CYP7B1: variants seen among roughly 807,000 people sequenced by gnomAD.
The protein encoded by CYP7B1 is cytochrome P450 7B1.
A neutral mutation model predicts 42.7 loss-of-function variants in CYP7B1; 29 were observed. The observed-to-expected ratio is 0.68, with a 90% CI of 0.51 to 0.93. The LOEUF is 0.93. CYP7B1 is among the 40% of genes least tolerant of loss of function. The pLI, the probability that CYP7B1 is intolerant of heterozygous loss-of-function variation, is 0.00. For missense variants in CYP7B1, 655 were observed against 600.5 expected, an observed-to-expected ratio of 1.09 and a Z score of -0.95; for synonymous variants, 235 against 218.2, an observed-to-expected ratio of 1.08 and a Z score of -0.68.
intron 1 of CYP7B1, among the ~76,000 whole-genome samples, chr8:64,730,689 T>C (rs1422888188): frequency 1.3e-5 from 2 of 151,870 alleles, no homozygotes; most frequent in African/African-American, 2.4e-5. Flanking sequence ...ACTGGTATTA[T>C]ATAACTAAAC....
chr8:64,747,812 C>A (rs1308250475), intron 1 of CYP7B1, among the ~76,000 whole-genome samples: 1 of 152,090 alleles, frequency 6.6e-6, no homozygotes, highest in African/African-American at 2.4e-5. Flanking sequence ...TAACCCAGCA[C>A]CTGGCTATTC....
intron 1 of CYP7B1, among the ~76,000 whole-genome samples, chr8:64,778,204 T>A: frequency 6.8e-6 from 1 of 146,952 alleles, no homozygotes. Context: ...TATATATGTA[T>A]ACACACATAT....
intron 1 of CYP7B1, 69 bp downstream of exon 1, chr8:64,798,397 C>G (rs1437196268): frequency 4.2e-6 from 6 of 1,434,230 alleles, no homozygotes; most frequent in South Asian, 1.5e-5. Flanking sequence ...GGACTCCCCT[C>G]GCCATCTGGG....
At chr8:64,787,100 G>A (rs1388349056) in intron 1 of CYP7B1, among the ~76,000 whole-genome samples, 1 of 152,206 alleles carries the variant, frequency 6.6e-6, no homozygotes, top group African/African-American at 2.4e-5. Context: ...TCCCTCCTAG[G>A]CCTCTGGGCC....
chr8:64,645,202 A>G (rs1341111461), intron 1 of CYP7B1, among the ~76,000 whole-genome samples: 7 of 150,498 alleles, frequency 4.7e-5, no homozygotes, highest in Non-Finnish European at 8.9e-5. Context: ...GCTATTGTGA[A>G]TAGTGCCACA....
chr8:64,741,344 A>G (rs1309036992), intron 1 of CYP7B1, among the ~76,000 whole-genome samples: 1 of 151,630 alleles, frequency 6.6e-6, no homozygotes, highest in East Asian at 1.9e-4. Flanking sequence ...TTTTTGAGAC[A>G]GTTTTGCTCT....
intron 1 of CYP7B1, among the ~76,000 whole-genome samples, chr8:64,625,855 T>C (rs1244624014): frequency 6.6e-6 from 1 of 151,046 alleles, no homozygotes; most frequent in Non-Finnish European, 1.5e-5. Context: ...CTTTCTTTCT[T>C]TTTTTTTTAA....
chr8:64,735,394 C>T (rs1807472230), intron 1 of CYP7B1, among the ~76,000 whole-genome samples: 1 of 152,124 alleles, frequency 6.6e-6, no homozygotes, highest in Admixed American at 6.6e-5. Context: ...GGTGTCTCCA[C>T]TCTCTGTACC....
intron 1 of CYP7B1, among the ~76,000 whole-genome samples, chr8:64,790,360 C>T (rs1467596981): frequency 9.9e-5 from 15 of 152,236 alleles, no homozygotes; most frequent in East Asian, 7.7e-4. Flanking sequence ...AGGAATAAGG[C>T]AGCCAAAGGA....
intron 1 of CYP7B1, among the ~76,000 whole-genome samples, chr8:64,633,388 T>G (rs1398282404): frequency 1.3e-5 from 2 of 152,174 alleles, no homozygotes; most frequent in East Asian, 3.8e-4. Context: ...TTAGACCTAA[T>G]GAAGTACTAC....
downstream of CYP7B1, among the ~76,000 whole-genome samples, chr8:64,587,264 A>G (rs1804981175): frequency 6.6e-6 from 1 of 151,974 alleles, no homozygotes; most frequent in African/African-American, 2.4e-5. Flanking sequence ...CGGGATCCGC[A>G]TCCGGAGGGA....
chr8:64,626,737 GA>G (rs1805615708), intron 1 of CYP7B1, among the ~76,000 whole-genome samples: 2 of 152,124 alleles, frequency 1.3e-5, no homozygotes. Context: ...AACAAAAACA[GA>G]AAACAAAGCC....
intron 1 of CYP7B1, among the ~76,000 whole-genome samples, chr8:64,769,620 G>C (rs1363375711): frequency 1.3e-5 from 2 of 152,138 alleles, no homozygotes; most frequent in Non-Finnish European, 2.9e-5. Context: ...ATTAACGCTT[G>C]AATGTATTCC....
At chr8:64,617,659 T>C (rs1805467946) in intron 2 of CYP7B1, among the ~76,000 whole-genome samples, 1 of 152,108 alleles carries the variant, frequency 6.6e-6, no homozygotes, top group Non-Finnish European at 1.5e-5. Context: ...ATTGTCTTCA[T>C]GTCATTATTC....
intron 1 of CYP7B1, among the ~76,000 whole-genome samples, chr8:64,763,605 G>A (rs1193574251): frequency 1.3e-5 from 2 of 152,216 alleles, no homozygotes; most frequent in African/African-American, 4.8e-5. Flanking sequence ...ACGGCTGCCG[G>A]ACTTAAGACT....
At chr8:64,673,676 T>C (rs1168154538) in intron 1 of CYP7B1, among the ~76,000 whole-genome samples, 1 of 152,096 alleles carries the variant, frequency 6.6e-6, no homozygotes, top group Non-Finnish European at 1.5e-5. Flanking sequence ...TCTTTCCTGC[T>C]CTGAGTAAGA....
intron 4 of CYP7B1, among the ~76,000 whole-genome samples, chr8:64,612,185 C>G (rs8192899): frequency 2.0e-5 from 3 of 151,716 alleles, no homozygotes; most frequent in Non-Finnish European, 2.9e-5. Context: ...AATCCTACCT[C>G]CACCCCAGAT....
chr8:64,650,110 T>G (rs1317918512), intron 1 of CYP7B1, among the ~76,000 whole-genome samples: 1 of 152,216 alleles, frequency 6.6e-6, no homozygotes, highest in East Asian at 1.9e-4. Flanking sequence ...TGCATATGTT[T>G]AAAATAAAAC....
At chr8:64,604,927 TA>T (rs1805257507) in intron 4 of CYP7B1, 70 bp from the exon 5 acceptor site, 7 of 1,478,760 alleles carry the variant, frequency 4.7e-6, no homozygotes, top group South Asian at 2.4e-5. Flanking sequence ...CAGTTTGCAA[TA>T]AAACTCATTA....
Sources: gnomAD v4.1 joint callset for allele counts (sites outside exome capture counted in the v4.1 genomes callset) on GRCh38, gnomAD v4.1.1 for gene constraint, MANE v1.5 for transcripts, NCBI Gene and HGNC (gene_info 2026-07-23, HGNC 2026-07-21) for gene names.